The following PBRM1 variants were observed in gnomAD, a reference collection of about 807,000 sequenced individuals.
The protein encoded by PBRM1 is protein polybromo-1.
A neutral mutation model predicts 194.5 loss-of-function variants in PBRM1; 27 were observed. The observed-to-expected ratio is 0.14, with a 90% confidence interval of 0.10 to 0.19. PBRM1 has a LOEUF of 0.19. Ranked by LOEUF, PBRM1 falls within the 10% of genes least tolerant of loss-of-function variation. PBRM1 has a pLI of 1.00. For synonymous variants in PBRM1, 655 were observed against 693.2 expected (o/e 0.94, Z 0.87); for missense variants, 1,466 against 2,077.2 (o/e 0.71, Z 5.72).
intron 2 of PBRM1, among the ~76,000 whole-genome samples, chr3:52,672,363 T>C (rs540548850): frequency 3.3e-5 from 5 of 152,282 alleles, no homozygotes; most frequent in Admixed American, 6.5e-5. Flanking sequence ...CCCTCTGCCA[T>C]GTAACACAAT....
Position 52,591,423 on chromosome 3 carries a change from T to G in PBRM1, c.2780-2168A>C, listed in dbSNP as rs1010084676. Among the ~76,000 whole-genome samples the G allele has an allele frequency of 1.3e-5, 2 of 152,130 alleles. 1 individual carries two copies. Among genetic ancestry groups the G allele is most frequent in the Admixed American group, 1.3e-4 (2 of 15,252 alleles). The stretch of plus-strand genomic sequence containing the variant: ...AGATGGCTCTTATTATTTAGAAGTA[T>G]GTTTCTTTAATACCTAGTTTATCTA... On this transcript the variant is annotated intron_variant, in intron 17 of 29. Transcript: ENST00000296302.
exon 21 of PBRM1, chr3:52,579,106 C>T (rs2153685609): frequency 6.2e-7 from 1 of 1,614,188 alleles, no homozygotes; most frequent in South Asian, 1.1e-5. Context: ...ACACAGTCGC[C>T]AACCTTCAGC....
rs1441864184 is a variant in PBRM1 at position 52,609,917 on chromosome 3, T to C, written c.1963A>G (p.Met655Val). ...TTTAGTTTCTGCTGCATTGGAGTCA[T>C]GTATTTTGATTTTTTAGGAGAAATG... The change falls in exon 16 of 30, where the codon ATG (methionine) becomes GTG (valine). Residue 655 changes from methionine to valine, a missense_variant. Met to Val is a conservative substitution (Grantham distance 21, BLOSUM62 1). This residue lies in a region of PBRM1 where 687 missense variants were observed against 946.2 expected (regional missense o/e 0.73). Coordinates refer to ENST00000296302, the Ensembl canonical transcript of PBRM1. The surrounding 1 kb of genome is among the most constrained non-coding windows in gnomAD (Gnocchi z 4.1). 4 of 1,531,380 alleles carry C rather than the reference T, an allele frequency of 2.6e-6. No homozygotes were observed. The highest frequency in any genetic ancestry group is 2.5e-5 in the South Asian group (2 of 79,396). The allele number at this position is 1,531,380 out of a possible 1,614,324, so 94.9% of individuals were successfully genotyped here.
At chr3:52,586,166 T>C in intron 20 of PBRM1, 1 of 281,072 alleles carries the variant, frequency 3.6e-6, no homozygotes, top group Non-Finnish European at 6.7e-6. Flanking sequence ...GAACTCCTGA[T>C]CTCGTGATCT....
rs1193669419 is a variant in PBRM1, at chr3:52,671,251, G to GA, written c.237-2607dup. Among the ~76,000 whole-genome samples, 3 of 152,266 alleles carry GA rather than the reference G, an allele frequency of 2.0e-5. No homozygotes were observed. In the East Asian group the frequency reaches 5.8e-4, roughly 29 times the overall value. On this transcript the variant is annotated intron_variant, in intron 2 of 29. Coordinates refer to ENST00000296302, the Ensembl canonical transcript of PBRM1. ...AGATATTCACAAATTGTGTAGCTCT[G>GA]AGCAATACTAATTCTCATAAATACT... is the stretch of plus-strand genomic sequence containing the variant.
chr3:52,662,549 C>T (rs373644911), intron 3 of PBRM1, among the ~76,000 whole-genome samples: 6 of 152,196 alleles, frequency 3.9e-5, no homozygotes, highest in East Asian at 1.9e-4. Context: ...TAATTATGAC[C>T]GGGCACAGTG....
intron 2 of PBRM1, among the ~76,000 whole-genome samples, chr3:52,670,842 T>C (rs974116517): frequency 4.6e-5 from 7 of 152,200 alleles, no homozygotes; most frequent in Non-Finnish European, 8.8e-5. Context: ...TTCCAGCCTA[T>C]GTGACATGGT....
chr3:52,658,373 C>A (rs1577823959), intron 4 of PBRM1, 58 bp from the exon 6 acceptor site: 8 of 864,292 alleles, frequency 9.3e-6, no homozygotes, highest in Middle Eastern at 2.3e-4. Context: ...CTGAATATTA[C>A]ATAGCTTCTA....
rs566481465 is a variant in PBRM1, at chr3:52,612,258, C to CAAAAAAAAAA, written c.1925-2313_1925-2304dup. Among the ~76,000 whole-genome samples the CAAAAAAAAAA allele has an allele frequency of 3.7e-3, 90 of 24,010 alleles. 12 individuals are homozygous for CAAAAAAAAAA. Among genetic ancestry groups the CAAAAAAAAAA allele is most frequent in the African/African-American group, 0.013 (82 of 6,338 alleles). The allele number at this position is 24,010 out of a possible 152,430, so 15.8% of individuals were successfully genotyped here. A position where few individuals can be genotyped will look rare whatever the true frequency, so the allele number is the denominator to read the frequency against. ...TAGGCAACAGAGCGAGATTCCGTCTCAAAAAAAAAAAAAAAAAAAAAAAAG... is the reference window on the plus strand; with the variant it reads ...TAGGCAACAGAGCGAGATTCCGTCTCAAAAAAAAAAAAAAAAAAAAAAAAAAAAAAAAAAG... On this transcript the variant is annotated intron_variant, in intron 15 of 29. Transcript: ENST00000296302.
At chr3:52,679,681 G>T in exon 1 of PBRM1, 1 of 1,613,626 alleles carries the variant, frequency 6.2e-7, no homozygotes, top group Non-Finnish European at 8.5e-7. Flanking sequence ...CTGCTGGAAG[G>T]GGAGGTAGCT....
rs138785212 is a variant in PBRM1, at chr3:52,667,031, T to C, written c.384+1467A>G. ...TACATGGAAATGATGACAGCAACGA[T>C]TGCGAACAAACGCAGAGAGAATAGT... On this transcript the variant is annotated intron_variant, in intron 3 of 29. Coordinates refer to ENST00000296302, the Ensembl canonical transcript of PBRM1. 4.3e-4 allele frequency among the ~76,000 whole-genome samples: 66 copies of C among 152,228 alleles called. No individual in the cohort carries two copies. In the East Asian group the frequency reaches 6.4e-3, roughly 15 times the overall value.
intron 13 of PBRM1, among the ~76,000 whole-genome samples, chr3:52,618,199 T>C (rs80015594): frequency 0.012 from 1,796 of 152,238 alleles, 50 homozygotes; most frequent in African/African-American, 0.041. Context: ...TTTTCTAGAG[T>C]AAAATTTCCA....
At chr3:52,584,596 C>T (rs926951419) in intron 20 of PBRM1, among the ~76,000 whole-genome samples, 1 of 151,582 alleles carries the variant, frequency 6.6e-6, no homozygotes, top group African/African-American at 2.4e-5. Flanking sequence ...GTTGGGTCTA[C>T]AGGCATGTGC....
intron 29 of PBRM1, among the ~76,000 whole-genome samples, chr3:52,548,928 T>A (rs2080151097): frequency 6.6e-6 from 1 of 152,196 alleles, no homozygotes; most frequent in Non-Finnish European, 1.5e-5. Flanking sequence ...ACAAGTACTT[T>A]AGTACATACT....
intron 13 of PBRM1, among the ~76,000 whole-genome samples, chr3:52,623,531 G>A (rs1020561134): frequency 6.6e-6 from 1 of 152,122 alleles, no homozygotes; most frequent in Non-Finnish European, 1.5e-5. Flanking sequence ...AGTCTTCCCA[G>A]ACAAGTAACA....
chr3:52,649,663 C>T (rs913885957), intron 6 of PBRM1, among the ~76,000 whole-genome samples: 2 of 152,066 alleles, frequency 1.3e-5, no homozygotes, highest in Non-Finnish European at 2.9e-5. Context: ...TCAACTGGTA[C>T]AAGGAGTTGT....
intron 5 of PBRM1, among the ~76,000 whole-genome samples, chr3:52,654,796 G>C (rs1335947416): frequency 6.6e-6 from 1 of 152,036 alleles, no homozygotes; most frequent in Non-Finnish European, 1.5e-5. Context: ...GAGAGCGAGA[G>C]AGAGAAAAAG....
chr3:52,629,108 G>A, intron 11 of PBRM1, 73 bp from the exon 13 acceptor site: 1 of 1,203,288 alleles, frequency 8.3e-7, no homozygotes, highest in Non-Finnish European at 1.2e-6. Flanking sequence ...AAAGTCCAAT[G>A]CAAAATCTTG....
chr3:52,667,102 G>C (rs943602807), intron 3 of PBRM1, among the ~76,000 whole-genome samples: 2 of 151,856 alleles, frequency 1.3e-5, no homozygotes, highest in African/African-American at 4.8e-5. Flanking sequence ...CCTTATAAAA[G>C]ACAAAAATCA....
Sources: allele counts gnomAD v4.1 joint callset (sites outside exome capture counted in the v4.1 genomes callset), GRCh38; gene constraint gnomAD v4.1.1; regional missense constraint gnomAD v4.1.1; non-coding constraint Gnocchi (gnomAD v3.1); transcripts MANE v1.5; gene names NCBI Gene and HGNC (gene_info 2026-07-23, HGNC 2026-07-21).